CSMD1: variants seen among roughly 807,000 people sequenced by gnomAD.
The protein encoded by CSMD1 is CUB and Sushi multiple domains 1, also known as CUB and sushi domain-containing protein 1.
A neutral mutation model predicts 417.5 loss-of-function variants in CSMD1; 213 were observed. The ratio of observed to expected loss-of-function variants is 0.51; its 90% CI spans 0.46 to 0.57. The LOEUF (loss-of-function observed/expected upper bound fraction) is 0.57. Among genes scored for constraint, CSMD1 ranks in the 20% least tolerant of loss-of-function variants. The pLI is 0.00. For missense variants in CSMD1, 6,923 were observed against 4,529.7 expected, an observed-to-expected ratio of 1.53 and a Z score of -15.17; for synonymous variants, 2,862 against 1,736.8, an observed-to-expected ratio of 1.65 and a Z score of -16.11.
chr8:3,801,996 C>A (rs1800483295), intron 5 of CSMD1, among the ~76,000 whole-genome samples: 1 of 151,938 alleles, frequency 6.6e-6, no homozygotes, highest in Non-Finnish European at 1.5e-5. Context: ...TGAAAATATT[C>A]TAAAATCGGA....
At chr8:3,063,392 T>TA (rs1327191956) in intron 49 of CSMD1, among the ~76,000 whole-genome samples, 1 of 152,244 alleles carries the variant, frequency 6.6e-6, no homozygotes, top group Non-Finnish European at 1.5e-5. Context: ...CCTTGTGTAC[T>TA]GTCAATAGGA....
intron 2 of CSMD1, among the ~76,000 whole-genome samples, chr8:4,471,596 G>A (rs572137364): frequency 2.0e-5 from 3 of 152,180 alleles, no homozygotes; most frequent in East Asian, 1.9e-4. Context: ...GGTGCAGGGA[G>A]AAAACAACCC....
intron 18 of CSMD1, among the ~76,000 whole-genome samples, chr8:3,385,067 T>G (rs1160081307): frequency 5.2e-5 from 6 of 115,222 alleles, no homozygotes; most frequent in African/African-American, 2.1e-4. Flanking sequence ...ATATAATATA[T>G]AAATATATAT....
intron 7 of CSMD1, among the ~76,000 whole-genome samples, chr8:3,691,016 C>A (rs1051772550): frequency 3.3e-5 from 5 of 151,976 alleles, no homozygotes; most frequent in African/African-American, 1.2e-4. Flanking sequence ...TTCATCTTTA[C>A]CCTGGTACTA....
At chr8:4,253,847 C>G (rs924112329) in intron 3 of CSMD1, among the ~76,000 whole-genome samples, 2 of 144,512 alleles carry the variant, frequency 1.4e-5, no homozygotes, top group African/African-American at 5.0e-5. Context: ...AAGGAGGTAA[C>G]AATACATTTC....
intron 69 of CSMD1, among the ~76,000 whole-genome samples, chr8:2,939,126 C>A (rs1315893090): frequency 2.6e-5 from 4 of 152,154 alleles, no homozygotes; most frequent in Non-Finnish European, 5.9e-5. Flanking sequence ...ATGCTTCCTA[C>A]AAATGCCCCA....
intron 3 of CSMD1, among the ~76,000 whole-genome samples, chr8:4,270,008 G>A (rs1804480750): frequency 6.6e-6 from 1 of 152,162 alleles, no homozygotes; most frequent in Admixed American, 6.5e-5. Context: ...TATATAAGAT[G>A]AGCTTCAACT....
intron 5 of CSMD1, among the ~76,000 whole-genome samples, chr8:3,902,426 T>C (rs1055693563): frequency 2.0e-5 from 3 of 152,100 alleles, no homozygotes; most frequent in Non-Finnish European, 4.4e-5. Flanking sequence ...TCTTTTTTGC[T>C]ACCAGGGACC....
At chr8:4,040,051 T>C (rs1797807703) in intron 3 of CSMD1, among the ~76,000 whole-genome samples, 1 of 152,160 alleles carries the variant, frequency 6.6e-6, no homozygotes, top group African/African-American at 2.4e-5. Context: ...TAAAGCACCA[T>C]GCAAATGTTA....
At chr8:4,818,952 T>C (rs970393917) in intron 1 of CSMD1, among the ~76,000 whole-genome samples, 11 of 152,130 alleles carry the variant, frequency 7.2e-5, no homozygotes, top group African/African-American at 1.7e-4. Context: ...CTGTAATTTA[T>C]ATTAAAACTG....
At chr8:4,334,840 T>C (rs904273750) in intron 3 of CSMD1, among the ~76,000 whole-genome samples, 1 of 152,070 alleles carries the variant, frequency 6.6e-6, no homozygotes, top group African/African-American at 2.4e-5. Context: ...AGAAAAGACA[T>C]TTATTTCTCA....
chr8:3,950,518 C>G (rs971690191), intron 5 of CSMD1, among the ~76,000 whole-genome samples: 1 of 152,224 alleles, frequency 6.6e-6, no homozygotes, highest in Non-Finnish European at 1.5e-5. Context: ...CGTCCACTTG[C>G]TGCCAGTTTT....
intron 5 of CSMD1, among the ~76,000 whole-genome samples, chr8:3,970,761 T>C (rs935140288): frequency 4.6e-5 from 7 of 152,046 alleles, no homozygotes; most frequent in Admixed American, 1.3e-4. Context: ...TGTTTTTTTG[T>C]TTTTGTTTTT....
rs187212029 is a variant in CSMD1, at chr8:3,128,844, T to G, written c.6242-10257A>C. The G allele has an allele frequency of 2.1e-4, 94 of 452,750 alleles. 1 individual carries two copies. Among genetic ancestry groups the G allele is most frequent in the Non-Finnish European group, 2.7e-5 (6 of 225,886 alleles). The allele number at this position is 452,750 out of a possible 1,614,324, so 28.0% of individuals were successfully genotyped here. On this transcript the variant is annotated intron_variant, in intron 41 of 69. Transcript: ENST00000635120. ...AAAGTCCTTTCTTCTCCTTGACATCTGGCTTGGAATGGGGTGTCAAGACAT... is the reference window on the plus strand; with the variant it reads ...AAAGTCCTTTCTTCTCCTTGACATCGGGCTTGGAATGGGGTGTCAAGACAT...
chr8:3,820,354 G>C (rs1233742741), intron 5 of CSMD1, among the ~76,000 whole-genome samples: 1 of 152,080 alleles, frequency 6.6e-6, no homozygotes, highest in East Asian at 1.9e-4. Flanking sequence ...GTTTGAACTG[G>C]GATATATGGT....
intron 3 of CSMD1, among the ~76,000 whole-genome samples, chr8:4,306,607 T>C (rs1392470117): frequency 6.6e-6 from 1 of 152,164 alleles, no homozygotes; most frequent in Admixed American, 6.6e-5. Flanking sequence ...GCTTTCCTTC[T>C]TGGCCTCTTC....
chr8:3,428,050 C>G (rs558234005), intron 12 of CSMD1, among the ~76,000 whole-genome samples: 2 of 152,292 alleles, frequency 1.3e-5, no homozygotes, highest in East Asian at 1.9e-4. Context: ...TTCGTTGCGT[C>G]TACCATTACT....
At chr8:4,991,248 C>A (rs1397199115) in intron 1 of CSMD1, among the ~76,000 whole-genome samples, 1 of 152,198 alleles carries the variant, frequency 6.6e-6, no homozygotes, top group Non-Finnish European at 1.5e-5. Flanking sequence ...ACTCCTTTTC[C>A]CCTGGTCCCT....
intron 1 of CSMD1, among the ~76,000 whole-genome samples, chr8:4,755,074 G>A (rs905762587): frequency 1.3e-5 from 2 of 152,166 alleles, no homozygotes; most frequent in Admixed American, 1.3e-4. Flanking sequence ...GGAGGCGGAA[G>A]TTGCAGTGAG....
Sources: gnomAD v4.1 joint callset for allele counts (sites outside exome capture counted in the v4.1 genomes callset) on GRCh38, gnomAD v4.1.1 for gene constraint, MANE v1.5 for transcripts, NCBI Gene and HGNC (gene_info 2026-07-23, HGNC 2026-07-21) for gene names.